TCF7: variants seen among roughly 807,000 people sequenced by gnomAD.
The protein encoded by TCF7 is transcription factor 7.
Under a neutral mutation model 46.8 loss-of-function variants are expected in TCF7, and 19 were observed. The observed-to-expected ratio is 0.41, with a 90% confidence interval of 0.28 to 0.60. TCF7 has a LOEUF of 0.60. Ranked by LOEUF, TCF7 falls within the 20% of genes least tolerant of loss-of-function variation. The pLI, the probability that TCF7 is intolerant of heterozygous loss-of-function variation, is 0.35. For synonymous variants in TCF7, 245 were observed against 213.4 expected (o/e 1.15, Z -1.29); for missense variants, 547 against 504.6 (o/e 1.08, Z -0.81).
intron 2 of TCF7, 67 bp downstream of exon 2, chr5:134,115,454 G>A: frequency 2.0e-6 from 3 of 1,533,722 alleles, no homozygotes; most frequent in Non-Finnish European, 1.8e-6. Flanking sequence ...GGACGGGGAC[G>A]CCAAGGACCG....
intron 3 of TCF7, among the ~76,000 whole-genome samples, chr5:134,120,347 C>G (rs1057273421): frequency 1.3e-5 from 2 of 151,384 alleles, no homozygotes; most frequent in Non-Finnish European, 2.9e-5. Context: ...CACAGGGGGC[C>G]TTTAAAAACA....
chr5:134,118,291 A>G (rs1756101781), intron 3 of TCF7, among the ~76,000 whole-genome samples: 1 of 152,178 alleles, frequency 6.6e-6, no homozygotes, highest in South Asian at 2.1e-4. Flanking sequence ...TCCCAAGCCC[A>G]TCTTTAAAGG....
At chr5:134,126,597 A>AT (rs1289243229) in intron 3 of TCF7, among the ~76,000 whole-genome samples, 1 of 152,216 alleles carries the variant, frequency 6.6e-6, no homozygotes, top group Non-Finnish European at 1.5e-5. Context: ...GCTTTTACTC[A>AT]TATCAAGATT....
At chr5:134,118,622 C>T (rs1756161517) in intron 3 of TCF7, among the ~76,000 whole-genome samples, 1 of 151,944 alleles carries the variant, frequency 6.6e-6, no homozygotes, top group Non-Finnish European at 1.5e-5. Flanking sequence ...CAAAAAGGTT[C>T]CTTCTTTTTG....
In TCF7 at chr5:134,146,551, A is replaced by G. The variant is rs945558939; in HGVS notation, c.*248A>G. 2.8e-6 allele frequency: 2 copies of G among 712,762 alleles called. No homozygotes were observed. Among genetic ancestry groups the G allele is most frequent in the Non-Finnish European group, 5.2e-6 (2 of 384,456 alleles). 44.2% of individuals were successfully genotyped at this position (712,762 alleles called of 1,614,324 possible). On this transcript the variant is annotated 3_prime_UTR_variant, in exon 10 of 10. Transcript: ENST00000342854. ...CACAGGACACCTGGCCGCCTCCAGGAGCCTACCCCCTGAAAGTGACAGAGA... is the reference window on the plus strand; with the variant it reads ...CACAGGACACCTGGCCGCCTCCAGGGGCCTACCCCCTGAAAGTGACAGAGA...
rs368119232 is a variant in TCF7, at chr5:134,146,312, G to C, written c.*9G>C. 3 of 1,614,002 alleles carry C rather than the reference G, an allele frequency of 1.9e-6. No homozygotes were observed. The highest frequency in any genetic ancestry group is 2.5e-6 in the Non-Finnish European group (3 of 1,179,988). On this transcript the variant is annotated 3_prime_UTR_variant, in exon 10 of 10. Transcript: ENST00000342854. ...CGATGACAGTGCTCTAGGCTGCCCC[G>C]GGTCCCCAGCTCCCCAGGACTCACC...
intron 9 of TCF7, chr5:134,145,733 T>C (rs1346863933): frequency 6.2e-7 from 1 of 1,613,874 alleles, no homozygotes; most frequent in East Asian, 2.2e-5. Flanking sequence ...TTCCATTCAT[T>C]CCATCAGAGA....
At position 134,116,201 on chromosome 5, in the gene TCF7, TGAAG is replaced by T. The variant is rs1469903521; in HGVS notation, c.441+175_441+178del. On this transcript the variant is annotated intron_variant, in intron 3 of 9. Coordinates refer to ENST00000342854, the MANE Select transcript of TCF7 (RefSeq NM_003202.5). ...ATCTGAACCAAAAGGAGAACTTTGC[TGAAG>T]GAAGGAGGGGCCGCCCTGGGGCACC... The T allele has an allele frequency of 1.2e-5, 17 of 1,394,690 alleles. No individual in the cohort carries two copies. The East Asian group carries it at 4.5e-4, about 37-fold the overall frequency. The allele number at this position is 1,394,690 out of a possible 1,614,324, so 86.4% of individuals were successfully genotyped here. A position where few individuals can be genotyped will look rare whatever the true frequency, so the allele number is the denominator to read the frequency against.
rs759655515 is a variant in TCF7, at chr5:134,115,952, C to T, written c.360C>T (p.Thr120=). ...GCACCAGCGGCATGTACAAAGAGAC[C>T]GTCTACTCCGCCTTCAATCTGCTCA... ...PECTSGMYKE[T]VYSAFNLLMH... is the part of the protein sequence containing the mutation. Residue 120 remains threonine, a synonymous_variant, in exon 3 of 10, where the codon ACC becomes ACT. Coordinates refer to ENST00000342854, the MANE Select transcript of TCF7 (RefSeq NM_003202.5). 18 of 1,614,028 alleles carry T rather than the reference C, an allele frequency of 1.1e-5. No individual in the cohort carries two copies. The highest frequency in any genetic ancestry group is 1.4e-5 in the Non-Finnish European group (16 of 1,180,016).
At chr5:134,111,982 A>G (rs1447273053), upstream of TCF7, among the ~76,000 whole-genome samples, 4 of 152,186 alleles carry the variant, frequency 2.6e-5, 1 homozygote, top group Non-Finnish European at 5.9e-5. Flanking sequence ...ATGTGTGTGA[A>G]GCTCTTGACA....
chr5:134,146,141 G>C (rs113492630), intron 9 of TCF7, 83 bp from the exon 10 acceptor site: 17 of 1,613,320 alleles, frequency 1.1e-5, no homozygotes, highest in African/African-American at 2.7e-5. Context: ...AGCCAGGCCT[G>C]TGCAAAGGCA....
intron 3 of TCF7, among the ~76,000 whole-genome samples, chr5:134,128,712 C>T (rs1757691175): frequency 6.6e-6 from 1 of 151,988 alleles, no homozygotes; most frequent in East Asian, 1.9e-4. Context: ...CCTTTCTGGG[C>T]CTTGCCTGGG....
At chr5:134,127,436 T>C (rs778334685) in intron 3 of TCF7, among the ~76,000 whole-genome samples, 13 of 152,248 alleles carry the variant, frequency 8.5e-5, no homozygotes, top group Non-Finnish European at 1.3e-4. Context: ...TTAAGACCTG[T>C]CTACAGGTGG....
intron 4 of TCF7, 197 bp downstream of exon 4, chr5:134,138,361 T>A: frequency 1.8e-6 from 1 of 555,412 alleles, no homozygotes; most frequent in Non-Finnish European, 3.2e-6. Context: ...TGGTGCTAGG[T>A]CAAAATGTGA....
chr5:134,138,898 A>G (rs964176938), intron 4 of TCF7, 53 bp from the exon 5 acceptor site: 18 of 1,606,970 alleles, frequency 1.1e-5, no homozygotes, highest in Non-Finnish European at 1.4e-5. Context: ...GTAACTGCTG[A>G]TATGGCCTGC....
intron 3 of TCF7, among the ~76,000 whole-genome samples, chr5:134,136,148 G>A (rs1238608972): frequency 6.6e-6 from 1 of 152,186 alleles, no homozygotes; most frequent in Non-Finnish European, 1.5e-5. Context: ...GAGTGAGACA[G>A]GAGGTGGTAG....
At chr5:134,145,931 T>C in intron 9 of TCF7, 2 of 1,501,986 alleles carry the variant, frequency 1.3e-6, no homozygotes, top group Non-Finnish European at 1.8e-6. Context: ...GACTGGGAGA[T>C]GACTCCCTTG....
chr5:134,145,851 G>A (rs375659478), intron 9 of TCF7: 48 of 1,608,676 alleles, frequency 3.0e-5, no homozygotes, highest in Non-Finnish European at 3.7e-5. Context: ...GGAAGCCATA[G>A]GCATTGCGGC....
chr5:134,148,089 A>G lies in TCF7; in HGVS notation c.*1786A>G, dbSNP rs1186962650. The stretch of plus-strand genomic sequence containing the variant: ...TCAGAATCCAAAGATCACATATTCT[A>G]GTGTAACACTGCAAGAAGTCTTGAG... On this transcript the variant is annotated 3_prime_UTR_variant, in exon 10 of 10. Coordinates refer to ENST00000342854, the MANE Select transcript of TCF7 (RefSeq NM_003202.5). 1 of 152,478 alleles carries G rather than the reference A, an allele frequency of 6.6e-6. No individual in the cohort carries two copies. The allele number at this position is 152,478 out of a possible 1,614,324, so 9.4% of individuals were successfully genotyped here. A position where few individuals can be genotyped will look rare whatever the true frequency, so the allele number is the denominator to read the frequency against.
Sources: gnomAD v4.1 joint callset for allele counts (sites outside exome capture counted in the v4.1 genomes callset) on GRCh38, gnomAD v4.1.1 for gene constraint, MANE v1.5 for transcripts, NCBI Gene and HGNC (gene_info 2026-07-23, HGNC 2026-07-21) for gene names.